The following LRBA variants were observed in gnomAD, a reference collection of about 807,000 sequenced individuals.
LRBA encodes LPS responsive beige-like anchor protein, also known as lipopolysaccharide-responsive and beige-like anchor protein.
Under a neutral mutation model 330.0 loss-of-function variants are expected in LRBA, and 176 were observed. That is an observed-to-expected ratio of 0.53 (90% CI 0.47 to 0.60). The LOEUF is 0.60. LRBA is among the 20% of genes least tolerant of loss of function. The pLI, the probability that LRBA is intolerant of heterozygous loss-of-function variation, is 0.00. For missense variants in LRBA, 3,259 were observed against 3,444.8 expected (o/e 0.95, Z 1.35); for synonymous variants, 1,230 against 1,193.0 (o/e 1.03, Z -0.64).
intron 34 of LRBA, among the ~76,000 whole-genome samples, chr4:150,781,427 C>A (rs1225253838): frequency 1.3e-5 from 2 of 152,180 alleles, no homozygotes; most frequent in East Asian, 3.9e-4. Flanking sequence ...CGCTGCTGAT[C>A]TGACAGGAGG....
intron 34 of LRBA, among the ~76,000 whole-genome samples, chr4:150,763,092 G>C (rs778204170): frequency 3.3e-5 from 5 of 151,904 alleles, no homozygotes; most frequent in African/African-American, 1.2e-4. Flanking sequence ...AATAGTATTA[G>C]TATAACTATG....
At chr4:150,770,513 T>C (rs1192535108) in intron 34 of LRBA, among the ~76,000 whole-genome samples, 1 of 151,350 alleles carries the variant, frequency 6.6e-6, no homozygotes, top group Non-Finnish European at 1.5e-5. Flanking sequence ...TATTATAAAC[T>C]CAATACATCT....
At chr4:150,839,301 T>A (rs1748670291) in intron 28 of LRBA, among the ~76,000 whole-genome samples, 2 of 152,310 alleles carry the variant, frequency 1.3e-5, no homozygotes, top group South Asian at 2.1e-4. Flanking sequence ...GACTGTAAAC[T>A]AGTTCAACCA....
intron 36 of LRBA, among the ~76,000 whole-genome samples, chr4:150,725,924 G>A (rs1729604741): frequency 2.0e-5 from 3 of 152,090 alleles, no homozygotes; most frequent in Non-Finnish European, 4.4e-5. Context: ...GTTGCCATTA[G>A]TTTTACATAA....
intron 4 of LRBA, 32 bp from the exon 5 acceptor site, chr4:150,921,325 A>T: frequency 8.0e-7 from 1 of 1,253,536 alleles, no homozygotes; most frequent in Non-Finnish European, 1.2e-6. Context: ...CATTAACCAC[A>T]TTATTTACCA....
Position 150,310,280 on chromosome 4 carries a change from G to A in LRBA, c.7798C>T (p.Leu2600Phe). Residue 2600 changes from leucine to phenylalanine, a missense_variant, in exon 52 of 57, where the codon CTC (leucine) becomes TTC (phenylalanine). Coordinates refer to ENST00000651943, the MANE Select transcript of LRBA (RefSeq NM_001364905.1). The stretch of plus-strand genomic sequence containing the variant: ...CTTTTATCCCAGAAGCCACAGACGA[G>A]AATATAGCGGTTGTCTGAAGTGATG... ...FVITSDNRYI[L>F]VCGFWDKSFR... The A allele has an allele frequency of 6.2e-7, 1 of 1,612,546 alleles. No homozygotes were observed. Among genetic ancestry groups the A allele is most frequent in the Non-Finnish European group, 8.5e-7 (1 of 1,178,748 alleles).
At chr4:150,288,329 C>T (rs1580906468) in intron 53 of LRBA, among the ~76,000 whole-genome samples, 2 of 151,600 alleles carry the variant, frequency 1.3e-5, no homozygotes, top group East Asian at 4.0e-4. Context: ...AGTTATTGGC[C>T]GGGCGCAATG....
chr4:150,554,270 AAC>A (rs1246965744), intron 40 of LRBA, among the ~76,000 whole-genome samples: 1 of 152,148 alleles, frequency 6.6e-6, no homozygotes, highest in Non-Finnish European at 1.5e-5. Context: ...AGTTAAATTA[AAC>A]AGAGTCCCTC....
intron 2 of LRBA, chr4:151,014,149 C>T (rs1461882276): frequency 1.3e-5 from 4 of 298,162 alleles, no homozygotes; most frequent in African/African-American, 6.4e-5. Context: ...ATAACTCCTC[C>T]GCTAGAACCT....
intron 30 of LRBA, among the ~76,000 whole-genome samples, chr4:150,827,872 G>C (rs1219930028): frequency 1.3e-5 from 2 of 151,970 alleles, no homozygotes; most frequent in Admixed American, 1.3e-4. Flanking sequence ...AAAATGCTGG[G>C]ATTACAGATG....
At chr4:150,557,483 C>CAAAAA (rs1767477298) in intron 40 of LRBA, among the ~76,000 whole-genome samples, 1 of 151,618 alleles carries the variant, frequency 6.6e-6, no homozygotes, top group East Asian at 1.9e-4. Flanking sequence ...ATCAGTTTTT[C>CAAAAA]TCTCAAGCTT....
At chr4:150,917,561 C>T (rs556360282) in intron 5 of LRBA, among the ~76,000 whole-genome samples, 4 of 152,066 alleles carry the variant, frequency 2.6e-5, no homozygotes, top group South Asian at 4.2e-4. Flanking sequence ...ATGGCTTTAC[C>T]GCTTGGTTTA....
At position 150,866,160 on chromosome 4, in the gene LRBA, CTATA is replaced by C. The variant is rs371418087; in HGVS notation, c.2766+1507_2766+1510del. ...AGTCAATTTTTTATTAAATAAATAG[CTATA>C]TAATTATACAGTATTCCTTCTGAGT... is the stretch of plus-strand genomic sequence containing the variant. On this transcript the variant is annotated intron_variant, in intron 22 of 56. Coordinates refer to ENST00000651943, the MANE Select transcript of LRBA (RefSeq NM_001364905.1). Among the ~76,000 whole-genome samples, 679 of 152,172 alleles carry C rather than the reference CTATA, an allele frequency of 4.5e-3. 4 individuals are homozygous for C. Among genetic ancestry groups the C allele is most frequent in the African/African-American group, 0.016 (657 of 41,528 alleles).
intron 33 of LRBA, among the ~76,000 whole-genome samples, chr4:150,803,536 C>T (rs1336261570): frequency 6.6e-6 from 1 of 152,074 alleles, no homozygotes; most frequent in South Asian, 2.1e-4. Flanking sequence ...TTTGGTCACA[C>T]AGCTAGTCAC....
intron 48 of LRBA, among the ~76,000 whole-genome samples, chr4:150,336,933 T>C (rs964393125): frequency 6.6e-5 from 10 of 152,176 alleles, no homozygotes; most frequent in African/African-American, 2.4e-4. Flanking sequence ...GTCTAGAACA[T>C]TGATGTGCTC....
intron 47 of LRBA, among the ~76,000 whole-genome samples, chr4:150,367,587 C>T (rs1358695199): frequency 3.3e-5 from 5 of 152,182 alleles, no homozygotes; most frequent in Admixed American, 3.3e-4. Flanking sequence ...GCACATGTAA[C>T]TTAGCAAATG....
intron 38 of LRBA, among the ~76,000 whole-genome samples, chr4:150,595,574 T>G (rs573653789): frequency 6.6e-6 from 1 of 152,078 alleles, no homozygotes; most frequent in South Asian, 2.1e-4. Flanking sequence ...GCTAAACTGT[T>G]TTAGCACCTG....
intron 39 of LRBA, among the ~76,000 whole-genome samples, chr4:150,590,361 CAA>C (rs5862927): frequency 0.13 from 16,595 of 123,084 alleles, 865 homozygotes; most frequent in Admixed American, 0.2. Context: ...GCTTTATTTA[CAA>C]AAAAAAAAAA....
At chr4:150,868,125 G>T in intron 21 of LRBA, 57 bp downstream of exon 21, 1 of 1,512,658 alleles carries the variant, frequency 6.6e-7, no homozygotes, top group South Asian at 1.3e-5. Context: ...AGATAAAATG[G>T]GCTTATACAA....
Sources: gnomAD v4.1 joint callset for allele counts (sites outside exome capture counted in the v4.1 genomes callset) on GRCh38, gnomAD v4.1.1 for gene constraint, MANE v1.5 for transcripts, NCBI Gene and HGNC (gene_info 2026-07-23, HGNC 2026-07-21) for gene names.